The following INTS9 variants were observed in gnomAD, a reference collection of about 807,000 sequenced individuals.
INTS9 encodes protein related to CPSF subunits of 74 kDa.
Under a neutral mutation model 79.7 loss-of-function variants are expected in INTS9, and 55 were observed. The observed-to-expected ratio is 0.69, with a 90% CI of 0.56 to 0.86. The LOEUF (loss-of-function observed/expected upper bound fraction) is 0.86, where lower values mean the gene tolerates loss of function less well. Ranked by LOEUF, INTS9 falls within the 40% of genes least tolerant of loss-of-function variation. The pLI is 0.00. For missense variants in INTS9, 721 were observed against 831.5 expected, an observed-to-expected ratio of 0.87 and a Z score of 1.64; for synonymous variants, 319 against 325.2, an observed-to-expected ratio of 0.98 and a Z score of 0.20.
chr8:28,839,073 C>T (rs1217011568), intron 4 of INTS9, among the ~76,000 whole-genome samples: 1 of 152,064 alleles, frequency 6.6e-6, no homozygotes, highest in Non-Finnish European at 1.5e-5. Context: ...ATACGGTGCA[C>T]TAAGGAAAAG....
chr8:28,851,983 C>T (rs903217694), intron 2 of INTS9, among the ~76,000 whole-genome samples: 9 of 152,066 alleles, frequency 5.9e-5, no homozygotes, highest in African/African-American at 1.9e-4. Flanking sequence ...CTTTGGGAGG[C>T]CAAGGTGGGA....
chr8:28,795,072 T>A (rs1021160364), intron 9 of INTS9, among the ~76,000 whole-genome samples: 2 of 152,284 alleles, frequency 1.3e-5, no homozygotes, highest in African/African-American at 4.8e-5. Context: ...CTAAGTTTAA[T>A]TTCTAAGAAC....
At chr8:28,786,582 C>T (rs1271555656) in intron 11 of INTS9, among the ~76,000 whole-genome samples, 4 of 152,144 alleles carry the variant, frequency 2.6e-5, no homozygotes, top group Non-Finnish European at 2.9e-5. Flanking sequence ...TGTGAGCCAC[C>T]GCACCTGACC....
intron 8 of INTS9, among the ~76,000 whole-genome samples, chr8:28,806,086 C>CA (rs35771520): frequency 0.57 from 86,289 of 151,944 alleles, 25,552 homozygotes; most frequent in Non-Finnish European, 0.66. Flanking sequence ...AAAAATTAGC[C>CA]AGGCACGGTG....
chr8:28,842,524 T>G (rs1585454515), intron 4 of INTS9, among the ~76,000 whole-genome samples: 1 of 152,202 alleles, frequency 6.6e-6, no homozygotes, highest in African/African-American at 2.4e-5. Flanking sequence ...CCAGCACTGC[T>G]TCTTCTATGT....
Position 28,828,639 on chromosome 8 carries a change from G to A in INTS9, c.488+6653C>T, listed in dbSNP as rs556812749. Among the ~76,000 whole-genome samples the A allele has an allele frequency of 2.0e-5, 3 of 151,710 alleles. No individual in the cohort carries two copies. The South Asian group carries it at 6.2e-4, about 32-fold the overall frequency. On this transcript the variant is annotated intron_variant, in intron 6 of 16. Transcript: ENST00000521022. ...TCATAGAGTTAGTTGATAAATTCCT[G>A]TATGCATACCCAAGGAGCGTCAGAG...
At chr8:28,816,843 A>G (rs909548091) in intron 6 of INTS9, among the ~76,000 whole-genome samples, 23 of 152,176 alleles carry the variant, frequency 1.5e-4, no homozygotes, top group Non-Finnish European at 2.8e-4. Flanking sequence ...AATGATTGCC[A>G]TTCTAACTGG....
intron 6 of INTS9, among the ~76,000 whole-genome samples, chr8:28,830,576 C>T (rs1051719631): frequency 4.0e-5 from 6 of 148,936 alleles, no homozygotes; most frequent in African/African-American, 1.5e-4. Context: ...AGTGAGCTGA[C>T]ATCGCATCAC....
chr8:28,824,395 T>A (rs562289508), intron 6 of INTS9, among the ~76,000 whole-genome samples: 2 of 152,360 alleles, frequency 1.3e-5, no homozygotes, highest in Admixed American at 1.3e-4. Flanking sequence ...TGCTTCTGCC[T>A]GTACTGTCTA....
intron 12 of INTS9, 113 bp from the exon 13 acceptor site, chr8:28,778,066 C>G: frequency 8.4e-7 from 1 of 1,183,834 alleles, no homozygotes; most frequent in Non-Finnish European, 1.1e-6. Context: ...CAGGAGGGAG[C>G]CAGGAAGCAC....
chr8:28,878,706 G>A (rs528682264), intron 1 of INTS9, among the ~76,000 whole-genome samples: 8 of 151,332 alleles, frequency 5.3e-5, no homozygotes, highest in South Asian at 2.1e-4. Context: ...GGCCAGGCGC[G>A]GTGGCTCACG....
chr8:28,807,306 T>G (rs1804866098), intron 8 of INTS9, among the ~76,000 whole-genome samples: 1 of 152,102 alleles, frequency 6.6e-6, no homozygotes, highest in Non-Finnish European at 1.5e-5. Flanking sequence ...TGACCAAACT[T>G]TCAGGAAAAG....
chr8:28,851,464 G>A (rs1807828388), intron 2 of INTS9, among the ~76,000 whole-genome samples: 1 of 151,758 alleles, frequency 6.6e-6, no homozygotes, highest in Non-Finnish European at 1.5e-5. Context: ...TTGAGACAGA[G>A]TCTCACTCTG....
chr8:28,875,967 AAC>A (rs1411885680), intron 1 of INTS9, among the ~76,000 whole-genome samples: 1 of 152,248 alleles, frequency 6.6e-6, no homozygotes, highest in East Asian at 1.9e-4. Flanking sequence ...CATAGTCATC[AAC>A]AGTTTCCTCC....
intron 11 of INTS9, among the ~76,000 whole-genome samples, chr8:28,786,212 G>A (rs1803579640): frequency 1.3e-5 from 2 of 152,076 alleles, no homozygotes; most frequent in South Asian, 4.1e-4. Flanking sequence ...GACTGTGTGA[G>A]TATACCACAA....
At chr8:28,869,279 C>A (rs1808938594) in intron 1 of INTS9, among the ~76,000 whole-genome samples, 1 of 152,170 alleles carries the variant, frequency 6.6e-6, no homozygotes, top group Non-Finnish European at 1.5e-5. Flanking sequence ...TGGGCTCCAG[C>A]AAGTGATCTG....
At chr8:28,865,036 A>G (rs1037294913) in intron 1 of INTS9, among the ~76,000 whole-genome samples, 2 of 152,068 alleles carry the variant, frequency 1.3e-5, no homozygotes, top group Non-Finnish European at 2.9e-5. Flanking sequence ...TTCATAGTAA[A>G]AAAATCTCAG....
chr8:28,866,906 C>T (rs1259646376), intron 1 of INTS9, among the ~76,000 whole-genome samples: 2 of 151,620 alleles, frequency 1.3e-5, no homozygotes, highest in Non-Finnish European at 2.9e-5. Context: ...ACCCGGGAGG[C>T]AGAGCTTGCA....
intron 4 of INTS9, among the ~76,000 whole-genome samples, chr8:28,842,231 T>C (rs1807233812): frequency 6.6e-6 from 1 of 151,916 alleles, no homozygotes; most frequent in South Asian, 2.1e-4. Flanking sequence ...AGACGAGGGG[T>C]TGGTCTTGTT....
Sources: allele counts gnomAD v4.1 joint callset (sites outside exome capture counted in the v4.1 genomes callset), GRCh38; gene constraint gnomAD v4.1.1; transcripts MANE v1.5; gene names NCBI Gene and HGNC (gene_info 2026-07-23, HGNC 2026-07-21).